Variants in DPP10 observed in about 807,000 individuals in gnomAD.
DPP10 encodes inactive dipeptidyl peptidase 10.
Under a neutral mutation model 120.9 loss-of-function variants are expected in DPP10, and 33 were observed. That is an observed-to-expected ratio of 0.27 (90% CI 0.21 to 0.37). The LOEUF (loss-of-function observed/expected upper bound fraction) is 0.37. Among genes scored for constraint, DPP10 ranks in the 10% least tolerant of loss-of-function variants. The pLI is 1.00. For synonymous variants in DPP10, 337 were observed against 326.1 expected (o/e 1.03, Z -0.36); for missense variants, 816 against 942.8 (o/e 0.87, Z 1.76).
intron 5 of DPP10, among the ~76,000 whole-genome samples, chr2:115,655,244 C>T (rs1191368589): frequency 2.0e-5 from 3 of 151,196 alleles, no homozygotes; most frequent in African/African-American, 4.8e-5. Flanking sequence ...GATATTTGGC[C>T]GAATAAGCAC....
chr2:114,657,726 G>GA (rs1321625557), intron 1 of DPP10, among the ~76,000 whole-genome samples: 1 of 152,104 alleles, frequency 6.6e-6, no homozygotes, highest in Non-Finnish European at 1.5e-5. Context: ...TAGCATACGT[G>GA]AAAAAATTGG....
At position 115,286,526 on chromosome 2, in the gene DPP10, A is replaced by ATATATATATATAATAT. The variant is rs10675008; in HGVS notation, c.61-22713_61-22712insTATATATATATAATAT. On this transcript the variant is annotated intron_variant, in intron 1 of 25. Transcript: ENST00000410059. Reference sequence around the variant, plus strand: ...TATTACATATATAATATATATATATAATATATATATATATAAAATATATAC... The same window carrying ATATATATATATAATAT: ...TATTACATATATAATATATATATATATATATATATATAATATATATATATATATATAAAATATATAC... Among the ~76,000 whole-genome samples the ATATATATATATAATAT allele has an allele frequency of 4.9e-5, 3 of 60,946 alleles. 1 individual carries two copies. Among genetic ancestry groups the ATATATATATATAATAT allele is most frequent in the East Asian group, 1.2e-3 (2 of 1,736 alleles). The allele number at this position is 60,946 out of a possible 152,430, so 40.0% of individuals were successfully genotyped here.
chr2:114,885,247 C>G (rs1691966862), intron 1 of DPP10, among the ~76,000 whole-genome samples: 1 of 151,886 alleles, frequency 6.6e-6, no homozygotes. Flanking sequence ...AATCATGTCA[C>G]ATGGTGAGAA....
chr2:115,741,352 CA>C (rs869234554), intron 9 of DPP10, among the ~76,000 whole-genome samples: 5 of 6,580 alleles, frequency 7.6e-4, no homozygotes, highest in African/African-American at 8.5e-4. Context: ...TTTAACTTCA[CA>C]AAAAAAAAAT....
At chr2:114,540,206 A>G (rs533005117) in intron 1 of DPP10, among the ~76,000 whole-genome samples, 1 of 152,308 alleles carries the variant, frequency 6.6e-6, no homozygotes, top group Admixed American at 6.5e-5. Context: ...CCAAATGTGG[A>G]CCAGTACTTA....
At chr2:114,797,464 C>A (rs1351471500) in intron 1 of DPP10, among the ~76,000 whole-genome samples, 2 of 152,062 alleles carry the variant, frequency 1.3e-5, no homozygotes, top group African/African-American at 2.4e-5. Flanking sequence ...GTCAGCATTA[C>A]CAGATAACGT....
intron 1 of DPP10, among the ~76,000 whole-genome samples, chr2:114,776,201 A>G (rs1394159404): frequency 2.0e-5 from 3 of 152,240 alleles, no homozygotes; most frequent in Non-Finnish European, 4.4e-5. Context: ...AGTTGATCCA[A>G]TTGAGTGAAC....
At chr2:114,782,013 G>A (rs1225989387) in intron 1 of DPP10, among the ~76,000 whole-genome samples, 4 of 151,830 alleles carry the variant, frequency 2.6e-5, no homozygotes, top group Non-Finnish European at 4.4e-5. Context: ...ATGCATCATC[G>A]CACTTTAGCC....
intron 1 of DPP10, chr2:114,834,121 C>A (rs984289791): frequency 6.6e-6 from 1 of 151,302 alleles, no homozygotes; most frequent in Non-Finnish European, 1.5e-5. Flanking sequence ...GCCATATCTA[C>A]GCACCTATGT....
chr2:115,227,137 C>T (rs948543982), intron 1 of DPP10, among the ~76,000 whole-genome samples: 3 of 152,140 alleles, frequency 2.0e-5, no homozygotes, highest in African/African-American at 7.2e-5. Flanking sequence ...TGGGACCAAT[C>T]TTCTCAAGAT....
At chr2:115,632,359 GCC>G (rs1355576646) in intron 5 of DPP10, among the ~76,000 whole-genome samples, 111 of 152,172 alleles carry the variant, frequency 7.3e-4, no homozygotes, top group African/African-American at 2.4e-3. Context: ...TATCCAGCTT[GCC>G]ATTCTCTGTC....
intron 5 of DPP10, among the ~76,000 whole-genome samples, chr2:115,578,149 C>A (rs1304063785): frequency 1.3e-5 from 2 of 152,168 alleles, no homozygotes; most frequent in Non-Finnish European, 2.9e-5. Context: ...CTCTCCTTTG[C>A]TCAAATGGCC....
chr2:115,821,323 A>G (rs1225960144), intron 21 of DPP10, among the ~76,000 whole-genome samples: 2 of 152,080 alleles, frequency 1.3e-5, no homozygotes, highest in East Asian at 1.9e-4. Context: ...GGATAAATTT[A>G]ATCTTTTGTT....
intron 11 of DPP10, among the ~76,000 whole-genome samples, chr2:115,757,748 A>T (rs1679605207): frequency 6.7e-6 from 1 of 149,970 alleles, no homozygotes; most frequent in Admixed American, 6.8e-5. Context: ...CAGGAACTTA[A>T]GATTGGTTTA....
intron 1 of DPP10, among the ~76,000 whole-genome samples, chr2:114,838,885 A>G (rs1389903378): frequency 6.6e-6 from 1 of 152,068 alleles, no homozygotes; most frequent in Non-Finnish European, 1.5e-5. Context: ...ACCTCTCCTC[A>G]TCTGTCTTCA....
At chr2:114,784,969 A>C (rs369072752) in intron 1 of DPP10, among the ~76,000 whole-genome samples, 1 of 152,166 alleles carries the variant, frequency 6.6e-6, no homozygotes, top group Non-Finnish European at 1.5e-5. Context: ...AACGTTTTTC[A>C]AGTCTTCCCC....
chr2:115,586,314 G>A (rs922480749), intron 5 of DPP10, among the ~76,000 whole-genome samples: 3 of 152,052 alleles, frequency 2.0e-5, no homozygotes, highest in Admixed American at 6.6e-5. Flanking sequence ...GCAACAGAGC[G>A]AGACTCTATC....
chr2:115,584,192 C>A (rs1348246836), intron 5 of DPP10, among the ~76,000 whole-genome samples: 2 of 152,214 alleles, frequency 1.3e-5, no homozygotes, highest in East Asian at 1.9e-4. Flanking sequence ...TAATTTACTC[C>A]ATTTTATTTA....
At chr2:114,947,090 A>C (rs1490307152) in intron 1 of DPP10, among the ~76,000 whole-genome samples, 1 of 151,898 alleles carries the variant, frequency 6.6e-6, no homozygotes, top group Non-Finnish European at 1.5e-5. Flanking sequence ...CTGTTTGTTT[A>C]ACCACTTAAA....
Sources: allele counts gnomAD v4.1 joint callset (sites outside exome capture counted in the v4.1 genomes callset), GRCh38; gene constraint gnomAD v4.1.1; transcripts MANE v1.5; gene names NCBI Gene and HGNC (gene_info 2026-07-23, HGNC 2026-07-21).